The following INPP4B variants were observed in gnomAD, a reference collection of about 807,000 sequenced individuals.
INPP4B encodes the protein inositol polyphosphate 4-phosphatase type II.
Under a neutral mutation model 122.5 loss-of-function variants are expected in INPP4B, and 55 were observed. The ratio of observed to expected loss-of-function variants is 0.45; its 90% CI spans 0.36 to 0.56. The LOEUF (loss-of-function observed/expected upper bound fraction) is 0.56, where lower values mean the gene tolerates loss of function less well. INPP4B is among the 20% of genes least tolerant of loss of function. The pLI is 0.00. For missense variants in INPP4B, 1,000 were observed against 1,097.7 expected (o/e 0.91, Z 1.26); for synonymous variants, 403 against 388.7 (o/e 1.04, Z -0.43).
At chr4:142,603,630 C>T (rs1006005154) in intron 2 of INPP4B, among the ~76,000 whole-genome samples, 19 of 151,800 alleles carry the variant, frequency 1.3e-4, no homozygotes, top group African/African-American at 4.6e-4. Flanking sequence ...GGACAAATTC[C>T]AGGAAACATA....
chr4:142,550,103 G>A (rs1313905550), intron 2 of INPP4B, among the ~76,000 whole-genome samples: 2 of 152,138 alleles, frequency 1.3e-5, no homozygotes, highest in South Asian at 2.1e-4. Flanking sequence ...TGTCTAGGGT[G>A]CCACAACAAC....
intron 2 of INPP4B, among the ~76,000 whole-genome samples, chr4:142,522,990 A>G (rs1826304097): frequency 6.6e-6 from 1 of 152,058 alleles, no homozygotes; most frequent in Non-Finnish European, 1.5e-5. Context: ...TGTGAGTTTG[A>G]AAAGAAAAGA....
chr4:142,748,387 A>G (rs1041992440), intron 1 of INPP4B, among the ~76,000 whole-genome samples: 1 of 152,102 alleles, frequency 6.6e-6, no homozygotes, highest in Non-Finnish European at 1.5e-5. Context: ...ATCAAAAATC[A>G]GAACAGAAGC....
At chr4:142,260,468 A>T (rs763932363) in intron 11 of INPP4B, 24 bp downstream of exon 11, 1 of 1,367,706 alleles carries the variant, frequency 7.3e-7, no homozygotes, top group Non-Finnish European at 1.0e-6. Flanking sequence ...CATGAAACTA[A>T]GTATTTAAAA....
rs573178227 is a variant in INPP4B, at chr4:142,030,394, T to C, written c.2643-1480A>G. On this transcript the variant is annotated intron_variant, in intron 25 of 25. Coordinates refer to ENST00000262992, the MANE Select transcript of INPP4B (RefSeq NM_001101669.3). ...CAGCCTTAAATATTCTGAAATACAA[T>C]GCATTATCTTACATAACACAACTCT... 2.1e-5 allele frequency: 22 copies of C among 1,070,666 alleles called. No homozygotes were observed. The African/African-American group carries it at 3.5e-4, about 17-fold the overall frequency. The allele number at this position is 1,070,666 out of a possible 1,614,324, so 66.3% of individuals were successfully genotyped here. A position where few individuals can be genotyped will look rare whatever the true frequency, so the allele number is the denominator to read the frequency against.
intron 2 of INPP4B, among the ~76,000 whole-genome samples, chr4:142,593,460 C>T (rs1737984742): frequency 6.6e-6 from 1 of 152,106 alleles, no homozygotes; most frequent in Admixed American, 6.6e-5. Context: ...ACAGACCTAC[C>T]CATCATGTTA....
chr4:142,476,920 A>G, intron 2 of INPP4B, among the ~76,000 whole-genome samples: 1 of 152,146 alleles, frequency 6.6e-6, no homozygotes. Flanking sequence ...AAAGTAACAA[A>G]GATATTCAAG....
Position 142,445,938 on chromosome 4 carries a change from T to C in INPP4B, c.-126-14553A>G, listed in dbSNP as rs568558888. On this transcript the variant is annotated intron_variant, in intron 3 of 25. Coordinates refer to ENST00000262992, the MANE Select transcript of INPP4B (RefSeq NM_001101669.3). ...AAACAATATACTTTCAAGTAATTGA[T>C]AAAGCAAAAAGAAAGTCACAAAGAA... is the stretch of plus-strand genomic sequence containing the variant. 2.6e-5 allele frequency among the ~76,000 whole-genome samples: 4 copies of C among 152,248 alleles called. No homozygotes were observed. In the East Asian group the frequency reaches 5.8e-4, roughly 22 times the overall value.
chr4:142,181,843 C>T (rs981861734), intron 15 of INPP4B, among the ~76,000 whole-genome samples: 1 of 152,084 alleles, frequency 6.6e-6, no homozygotes, highest in African/African-American at 2.4e-5. Flanking sequence ...CTAGGCAGAA[C>T]GATTTTAGGC....
chr4:142,606,394 A>G (rs1318582135), intron 2 of INPP4B, among the ~76,000 whole-genome samples: 1 of 151,884 alleles, frequency 6.6e-6, no homozygotes, highest in Non-Finnish European at 1.5e-5. Context: ...AGAAGAGAGG[A>G]CTTGAAACGA....
At chr4:142,477,322 C>T (rs1244526267) in intron 2 of INPP4B, among the ~76,000 whole-genome samples, 1 of 151,978 alleles carries the variant, frequency 6.6e-6, no homozygotes, top group African/African-American at 2.4e-5. Context: ...TTTGATAGTG[C>T]TAAATGCCCA....
chr4:142,197,110 G>A (rs1404888776), intron 14 of INPP4B, among the ~76,000 whole-genome samples: 1 of 64,550 alleles, frequency 1.5e-5, no homozygotes, highest in Non-Finnish European at 2.9e-5. Flanking sequence ...TGGGCAATAA[G>A]AGTGAAACTC....
intron 25 of INPP4B, among the ~76,000 whole-genome samples, chr4:142,046,150 C>T (rs1161568643): frequency 6.6e-6 from 1 of 152,056 alleles, no homozygotes; most frequent in Non-Finnish European, 1.5e-5. Flanking sequence ...CTTTCCAGAT[C>T]TGGGCTCTAG....
intron 25 of INPP4B, among the ~76,000 whole-genome samples, chr4:142,063,419 C>CCA (rs1761998024): frequency 1.3e-5 from 2 of 152,104 alleles, no homozygotes; most frequent in Non-Finnish European, 2.9e-5. Flanking sequence ...TTCTAGTCCT[C>CCA]CACACACACA....
chr4:142,351,531 A>G (rs1781931486), intron 7 of INPP4B, among the ~76,000 whole-genome samples: 1 of 152,008 alleles, frequency 6.6e-6, no homozygotes, highest in African/African-American at 2.4e-5. Context: ...AGAAAGGGTA[A>G]CATTTTGTTA....
chr4:142,440,499 T>A (rs916086715), intron 3 of INPP4B, among the ~76,000 whole-genome samples: 1 of 152,190 alleles, frequency 6.6e-6, no homozygotes, highest in African/African-American at 2.4e-5. Flanking sequence ...ATCCAAGATG[T>A]TGGTTTTCCT....
rs142449603 is a variant in INPP4B at position 142,196,288 on chromosome 4, A to G, written c.1073-3093T>C. 2.6e-4 allele frequency among the ~76,000 whole-genome samples: 39 copies of G among 152,262 alleles called. No homozygotes were observed. In the East Asian group the frequency reaches 5.2e-3, roughly 20 times the overall value. ...TCACACCATATTTTTACCAAGGACT[A>G]TGAAATCTCTTGACTAGTTCTGACC... On this transcript the variant is annotated intron_variant, in intron 14 of 25. Coordinates refer to ENST00000262992, the MANE Select transcript of INPP4B (RefSeq NM_001101669.3).
At chr4:142,189,092 C>A (rs1834558470) in intron 15 of INPP4B, among the ~76,000 whole-genome samples, 1 of 152,054 alleles carries the variant, frequency 6.6e-6, no homozygotes, top group Non-Finnish European at 1.5e-5. Context: ...AAATATCTAC[C>A]CTTATTCCTC....
chr4:142,380,955 G>C (rs1399131600), intron 7 of INPP4B, among the ~76,000 whole-genome samples: 1 of 151,936 alleles, frequency 6.6e-6, no homozygotes, highest in Non-Finnish European at 1.5e-5. Flanking sequence ...TTTTTTGTAA[G>C]GCTTCATTAT....
Sources: allele counts gnomAD v4.1 joint callset (sites outside exome capture counted in the v4.1 genomes callset), GRCh38; gene constraint gnomAD v4.1.1; transcripts MANE v1.5; gene names NCBI Gene and HGNC (gene_info 2026-07-23, HGNC 2026-07-21).